RGS9: variants seen among roughly 807,000 people sequenced by gnomAD.
RGS9 encodes regulator of G-protein signalling 9.
A neutral mutation model predicts 102.0 loss-of-function variants in RGS9; 78 were observed. The ratio of observed to expected loss-of-function variants is 0.76; its 90% CI spans 0.64 to 0.92. The LOEUF is 0.92. Ranked by LOEUF, RGS9 falls within the 40% of genes least tolerant of loss-of-function variation. The pLI, the probability that RGS9 is intolerant of heterozygous loss-of-function variation, is 0.00. For synonymous variants in RGS9, 353 were observed against 318.6 expected (o/e 1.11, Z -1.15); for missense variants, 833 against 866.1 (o/e 0.96, Z 0.48).
chr17:65,212,073 A>G (rs956703171), intron 17 of RGS9, among the ~76,000 whole-genome samples: 4 of 152,264 alleles, frequency 2.6e-5, no homozygotes, highest in Non-Finnish European at 5.9e-5. Flanking sequence ...TTGCCTAGGC[A>G]GAATCCCATG....
At chr17:65,157,609 A>G (rs1211205330) in intron 2 of RGS9, among the ~76,000 whole-genome samples, 1 of 151,900 alleles carries the variant, frequency 6.6e-6, no homozygotes, top group Non-Finnish European at 1.5e-5. Flanking sequence ...GCCAGCCCCT[A>G]AGATTTGCAG....
At chr17:65,144,163 T>C (rs552232969) in intron 1 of RGS9, among the ~76,000 whole-genome samples, 1 of 152,146 alleles carries the variant, frequency 6.6e-6, no homozygotes, top group Non-Finnish European at 1.5e-5. Context: ...CCAGGCTTAT[T>C]AGCAGGAGTA....
intron 1 of RGS9, among the ~76,000 whole-genome samples, chr17:65,140,547 T>C (rs747851781): frequency 6.6e-6 from 1 of 152,128 alleles, no homozygotes; most frequent in Non-Finnish European, 1.5e-5. Flanking sequence ...GAAATTGGAA[T>C]GGGCAAGTGA....
intron 17 of RGS9, among the ~76,000 whole-genome samples, chr17:65,215,529 TTTCTTTCTTTC>T (rs1277123290): frequency 3.6e-5 from 5 of 140,744 alleles, no homozygotes; most frequent in Non-Finnish European, 6.0e-5. Context: ...TCTTTCTTTC[TTTCTTTCTTTC>T]TTTCTTTTTT....
At chr17:65,189,635 T>C (rs1243310030) in intron 10 of RGS9, among the ~76,000 whole-genome samples, 5 of 152,134 alleles carry the variant, frequency 3.3e-5, no homozygotes, top group Non-Finnish European at 5.9e-5. Flanking sequence ...CACCTATCAT[T>C]ACAGGGCCAG....
intron 12 of RGS9, 25 bp from the exon 13 acceptor site, chr17:65,197,101 G>A: frequency 6.4e-7 from 1 of 1,560,224 alleles, no homozygotes; most frequent in Non-Finnish European, 8.8e-7. Flanking sequence ...TACCTCTCTG[G>A]TGCATTTACA....
At chr17:65,153,013 T>C (rs1910637855) in intron 1 of RGS9, among the ~76,000 whole-genome samples, 1 of 152,264 alleles carries the variant, frequency 6.6e-6, no homozygotes, top group Non-Finnish European at 1.5e-5. Context: ...TTGAGGTCCA[T>C]GTGGTCTGGC....
chr17:65,171,974 C>T (rs1911438603), intron 8 of RGS9, among the ~76,000 whole-genome samples: 1 of 152,196 alleles, frequency 6.6e-6, no homozygotes, highest in Non-Finnish European at 1.5e-5. Context: ...GGTGGGTGTG[C>T]TTATCTGCTT....
chr17:65,216,067 G>A (rs1198181177), intron 17 of RGS9, among the ~76,000 whole-genome samples: 1 of 152,140 alleles, frequency 6.6e-6, no homozygotes, highest in Non-Finnish European at 1.5e-5. Flanking sequence ...CAAAGATTGA[G>A]TATAATTTTC....
rs535293809 is a variant in RGS9 at position 65,183,226 on chromosome 17, G to T, written c.654+5423G>T. Among the ~76,000 whole-genome samples the T allele has an allele frequency of 9.2e-5, 14 of 152,238 alleles. 1 individual carries two copies. The South Asian group carries it at 1.0e-3, about 11-fold the overall frequency. On this transcript the variant is annotated intron_variant, in intron 9 of 18. Coordinates refer to ENST00000262406, the MANE Select transcript of RGS9 (RefSeq NM_003835.4). ...CAACCTCCGCCTCCTGGGTTCAAAA[G>T]ATTTTTATGCCTTAGCCTACTGAGT...
chr17:65,207,766 C>T (rs73330404), intron 15 of RGS9, among the ~76,000 whole-genome samples, 156 bp from the exon 16 acceptor site: 24,144 of 152,028 alleles, frequency 0.16, 4,083 homozygotes, highest in African/African-American at 0.39. Flanking sequence ...AGAACCACTG[C>T]TCTCAACACC....
intron 1 of RGS9, among the ~76,000 whole-genome samples, chr17:65,149,896 A>G (rs1306051080): frequency 6.6e-6 from 1 of 152,230 alleles, no homozygotes; most frequent in Non-Finnish European, 1.5e-5. Context: ...AGAAAGTCCC[A>G]TGGAGACTGA....
At chr17:65,169,979 G>A (rs115320356) in intron 8 of RGS9, among the ~76,000 whole-genome samples, 2,796 of 150,498 alleles carry the variant, frequency 0.019, 102 homozygotes, top group African/African-American at 0.064. Context: ...CACTGTCACC[G>A]TCACCATCAC....
intron 1 of RGS9, among the ~76,000 whole-genome samples, chr17:65,147,374 C>T (rs1018821883): frequency 6.6e-6 from 1 of 151,970 alleles, no homozygotes; most frequent in Non-Finnish European, 1.5e-5. Flanking sequence ...GGTTCAGCTG[C>T]AAATGCTGGT....
At chr17:65,195,473 T>C (rs1294650552) in intron 12 of RGS9, among the ~76,000 whole-genome samples, 1 of 152,026 alleles carries the variant, frequency 6.6e-6, no homozygotes, top group East Asian at 1.9e-4. Flanking sequence ...ATATATGTAT[T>C]TGTAAGTATA....
intron 8 of RGS9, among the ~76,000 whole-genome samples, chr17:65,175,388 C>G (rs1413747667): frequency 1.3e-5 from 2 of 152,072 alleles, no homozygotes; most frequent in African/African-American, 4.8e-5. Context: ...CTCCTAGAAC[C>G]CTTTTTGGCA....
intron 3 of RGS9, among the ~76,000 whole-genome samples, chr17:65,160,018 C>A (rs887101777): frequency 1.3e-5 from 2 of 152,238 alleles, no homozygotes; most frequent in Non-Finnish European, 2.9e-5. Flanking sequence ...AGTTGTCACT[C>A]CTGGGGATAA....
chr17:65,220,310 G>C (rs146204337), intron 17 of RGS9, among the ~76,000 whole-genome samples: 2 of 152,210 alleles, frequency 1.3e-5, no homozygotes, highest in Non-Finnish European at 2.9e-5. Flanking sequence ...TCCAGAGAAC[G>C]TTAGGATATA....
chr17:65,161,040 C>CTTCTAATTAATAAA (rs1207618920), intron 6 of RGS9, 131 bp downstream of exon 6: 1 of 760,064 alleles, frequency 1.3e-6, no homozygotes, highest in Admixed American at 2.1e-5. Context: ...AGCCAGCCAG[C>CTTCTAATTAATAAA]TAGCCATCCA....
Sources: gnomAD v4.1 joint callset for allele counts (sites outside exome capture counted in the v4.1 genomes callset) on GRCh38, gnomAD v4.1.1 for gene constraint, MANE v1.5 for transcripts, NCBI Gene and HGNC (gene_info 2026-07-23, HGNC 2026-07-21) for gene names.